The following NID2 variants were observed in gnomAD, a reference collection of about 807,000 sequenced individuals.
NID2 encodes the protein nidogen 2.
NID2 carries 83 observed loss-of-function variants against 145.4 expected under a neutral mutation model. The ratio of observed to expected loss-of-function variants is 0.57; its 90% confidence interval spans 0.48 to 0.69. The LOEUF (loss-of-function observed/expected upper bound fraction) is 0.69. Ranked by LOEUF, NID2 falls within the 30% of genes least tolerant of loss-of-function variation. The pLI is 0.00. For missense variants in NID2, 1,807 were observed against 1,765.7 expected, an observed-to-expected ratio of 1.02 and a Z score of -0.42; for synonymous variants, 739 against 701.3, an observed-to-expected ratio of 1.05 and a Z score of -0.85.
intron 16 of NID2, among the ~76,000 whole-genome samples, chr14:52,013,051 C>T (rs1390968109): frequency 1.3e-5 from 2 of 152,326 alleles, no homozygotes; most frequent in Middle Eastern, 3.4e-3. Flanking sequence ...ATTGAAAAGT[C>T]GTTTGTCCCA....
intron 8 of NID2, 46 bp downstream of exon 8, chr14:52,040,605 T>C (rs769460059): frequency 3.4e-5 from 52 of 1,519,552 alleles, no homozygotes; most frequent in Non-Finnish European, 4.4e-5. Context: ...TCTTGTGAGA[T>C]GGGCATAATC....
chr14:52,028,652 A>G (rs1229099422), intron 11 of NID2, 70 bp downstream of exon 11: 1 of 1,535,986 alleles, frequency 6.5e-7, no homozygotes, highest in South Asian at 1.2e-5. Flanking sequence ...AAGTCAAAAC[A>G]CTGACAGATT....
chr14:52,041,648 T>C (rs957410736), intron 7 of NID2, among the ~76,000 whole-genome samples: 2 of 152,068 alleles, frequency 1.3e-5, no homozygotes, highest in African/African-American at 4.8e-5. Flanking sequence ...GACCTCCAAG[T>C]GATGTGTGTG....
chr14:52,030,540 GAA>G (rs1228460616), intron 9 of NID2, among the ~76,000 whole-genome samples: 6 of 43,582 alleles, frequency 1.4e-4, no homozygotes, highest in Non-Finnish European at 2.0e-4. Context: ...AAGAAAGAAA[GAA>G]AGAAAGAAAG....
chr14:52,049,240 A>G (rs980448201), intron 5 of NID2, among the ~76,000 whole-genome samples: 2 of 151,892 alleles, frequency 1.3e-5, no homozygotes, highest in African/African-American at 4.8e-5. Flanking sequence ...TAGAAAGAAA[A>G]ATGGGGTGGG....
rs778720066 is a variant in NID2, at chr14:52,038,747, C to T, written c.2257G>A (p.Glu753Lys). ...AVTNQIGPVK[E>K]DSDPTPGNPC... The stretch of plus-strand genomic sequence containing the variant: ...CCAACAACAAAAAAGGAAACCTTAC[C>T]TTTGACCGGGCCAATTTGATTGGTC... Residue 753 changes from glutamate to lysine, a missense_variant and splice_region_variant, in exon 9 of 22, where the codon GAG (glutamate) becomes AAG (lysine). Transcript: ENST00000216286. 5 of 1,560,948 alleles carry T rather than the reference C, an allele frequency of 3.2e-6. No homozygotes were observed. The South Asian group carries it at 6.1e-5, about 19-fold the overall frequency.
In NID2 at chr14:52,019,198, T is replaced by C; in HGVS notation, c.2891A>G (p.Asp964Gly). 6.2e-7 allele frequency: 1 copy of C among 1,613,970 alleles called. No homozygotes were observed. The highest frequency in any genetic ancestry group is 8.5e-7 in the Non-Finnish European group (1 of 1,179,866). ...PGARFHIPQC[D>G]EQGNFLPLQC... ...TAGGGGCAGGAAGTTGCCCTGCTCG[T>C]CGCATTGGGGGATGTGGAACCGGGC... Residue 964 changes from aspartate (D) to glycine (G), a missense_variant, in exon 14 of 22, where the codon GAC becomes GGC. Coordinates refer to ENST00000216286, the MANE Select transcript of NID2 (RefSeq NM_007361.4).
Position 52,042,173 on chromosome 14 carries a change from A to G in NID2, c.1757T>C (p.Ile586Thr), listed in dbSNP as rs762449660. The change falls in exon 7 of 22, where the codon ATT becomes ACT. Residue 586 changes from isoleucine to threonine, a missense_variant. Transcript: ENST00000216286. The part of the protein sequence containing the change: ...AAQALLPLTP[I>T]GGLFGWLFAL... Reference sequence around the variant, plus strand: ...AAAGAGCCAGCCAAACAGGCCTCCAATTGGTGTGAGGGGGAGGAGGGCCTG... The same window carrying G: ...AAAGAGCCAGCCAAACAGGCCTCCAGTTGGTGTGAGGGGGAGGAGGGCCTG... The G allele has an allele frequency of 4.3e-6, 7 of 1,613,672 alleles. No homozygotes were observed. The South Asian group carries it at 7.7e-5, about 18-fold the overall frequency.
intron 9 of NID2, among the ~76,000 whole-genome samples, chr14:52,034,110 T>C (rs938357836): frequency 2.0e-5 from 3 of 152,134 alleles, no homozygotes; most frequent in Admixed American, 1.3e-4. Flanking sequence ...AAGTAAACCA[T>C]CCTTTGATAT....
chr14:52,009,526 C>CT (rs1454568684), intron 18 of NID2: 1 of 152,156 alleles, frequency 6.6e-6, no homozygotes, highest in Non-Finnish European at 1.5e-5. Flanking sequence ...AATTCAAGTC[C>CT]TTTAGCATTT....
chr14:52,014,419 C>T lies in NID2; in HGVS notation c.3288G>A (p.Thr1096=). 4 of 1,613,702 alleles carry T rather than the reference C, an allele frequency of 2.5e-6. No individual in the cohort carries two copies. The highest frequency in any genetic ancestry group is 1.1e-5 in the South Asian group (1 of 91,018). Residue 1096 remains threonine (T), a synonymous_variant, in exon 16 of 22, where the codon ACG becomes ACA. Transcript: ENST00000216286. ...PTVAPPMVRP[T]PRPDVTPPSV... is the part of the protein sequence containing the mutation. ...ATGGAGGGGTCACATCTGGCCGGGG[C>T]GTGGGCCGGACCATGGGTGGAGCGA... is the stretch of plus-strand genomic sequence containing the variant.
At chr14:52,014,233 C>A (rs530124482) in intron 16 of NID2, 54 bp downstream of exon 16, 2 of 1,610,230 alleles carry the variant, frequency 1.2e-6, no homozygotes, top group African/African-American at 2.7e-5. Context: ...TGTGAGGTGG[C>A]TCCCACTGGG....
chr14:52,016,561 C>T (rs1422008708), intron 14 of NID2, among the ~76,000 whole-genome samples: 1 of 152,182 alleles, frequency 6.6e-6, no homozygotes, highest in Non-Finnish European at 1.5e-5. Flanking sequence ...GGGGTAACTT[C>T]AGAATCCACT....
intron 17 of NID2, 82 bp from the exon 18 acceptor site, chr14:52,011,129 A>T: frequency 7.1e-7 from 1 of 1,399,996 alleles, no homozygotes; most frequent in Non-Finnish European, 9.9e-7. Context: ...TCGGGTGGGC[A>T]GGGGGGTCAG....
intron 7 of NID2, 79 bp from the exon 8 acceptor site, chr14:52,040,930 A>G (rs1892259341): frequency 8.2e-7 from 1 of 1,213,210 alleles, no homozygotes; most frequent in African/African-American, 1.5e-5. Flanking sequence ...GCCCGCTCCC[A>G]ATTTCTACTG....
chr14:52,006,766 A>G, intron 19 of NID2, 106 bp from the exon 20 acceptor site: 1 of 1,245,268 alleles, frequency 8.0e-7, no homozygotes. Flanking sequence ...AGGATATTTT[A>G]CTTCCATTAC....
chr14:52,060,304 A>C lies in NID2; in HGVS notation c.587T>G (p.Leu196Arg), dbSNP rs762963593. Reference protein sequence around the residue: ...LASDGSDSYALFLYPANGLQF... With the variant: ...LASDGSDSYARFLYPANGLQF... ...CAGGCCGTTGGCAGGATAAAGAAAG[A>C]GGGCGTAGCTATCAGACCCATCAGA... Residue 196 changes from leucine (L) to arginine (R), a missense_variant, in exon 3 of 22, where the codon CTC becomes CGC. By Grantham distance (102) the Leu-to-Arg change is moderately radical. Transcript: ENST00000216286. The C allele has an allele frequency of 6.8e-6, 11 of 1,608,560 alleles. No individual in the cohort carries two copies. Among genetic ancestry groups the C allele is most frequent in the African/African-American group, 1.3e-5 (1 of 74,218 alleles).
chr14:52,025,584 G>GCTTA (rs1355975841), intron 12 of NID2, among the ~76,000 whole-genome samples: 1 of 152,192 alleles, frequency 6.6e-6, no homozygotes, highest in Non-Finnish European at 1.5e-5. Context: ...AGAAGTCTAA[G>GCTTA]GTCAAGGGTT....
intron 5 of NID2, among the ~76,000 whole-genome samples, chr14:52,048,759 C>T (rs1223307360): frequency 6.6e-6 from 1 of 152,088 alleles, no homozygotes; most frequent in African/African-American, 2.4e-5. Context: ...GCACACCTGG[C>T]TCTTTGAAAT....
Sources: gnomAD v4.1 joint callset for allele counts (sites outside exome capture counted in the v4.1 genomes callset) on GRCh38, gnomAD v4.1.1 for gene constraint, MANE v1.5 for transcripts, NCBI Gene and HGNC (gene_info 2026-07-23, HGNC 2026-07-21) for gene names.